The following EGLN1 variants were observed in gnomAD, a reference collection of about 807,000 sequenced individuals.
EGLN1 encodes the protein egl-9 family hypoxia inducible factor 1.
A neutral mutation model predicts 38.3 loss-of-function variants in EGLN1; 17 were observed. That is an observed-to-expected ratio of 0.44 (90% CI 0.30 to 0.67). The LOEUF (loss-of-function observed/expected upper bound fraction) is 0.67, where lower values mean the gene tolerates loss of function less well. Ranked by LOEUF, EGLN1 falls within the 30% of genes least tolerant of loss-of-function variation. The probability of loss-of-function intolerance (pLI) is 0.08; values close to 1 mark genes in which losing one functional copy is unlikely to be tolerated. For missense variants in EGLN1, 477 were observed against 603.3 expected (o/e 0.79, Z 2.19); for synonymous variants, 283 against 257.5 (o/e 1.10, Z -0.95).
intron 2 of EGLN1, among the ~76,000 whole-genome samples, chr1:231,372,891 T>C (rs975740060): frequency 6.6e-6 from 1 of 152,198 alleles, no homozygotes; most frequent in Admixed American, 6.5e-5. Context: ...AAGAGGTTTT[T>C]TAAAGGTTAT....
intron 1 of EGLN1, among the ~76,000 whole-genome samples, chr1:231,391,644 T>G (rs1452737412): frequency 1.3e-5 from 2 of 152,180 alleles, no homozygotes; most frequent in Non-Finnish European, 1.5e-5. Flanking sequence ...ATACGCATCT[T>G]AAAAATAAGA....
intron 1 of EGLN1, among the ~76,000 whole-genome samples, chr1:231,414,939 T>G (rs939558649): frequency 1.3e-5 from 2 of 151,984 alleles, no homozygotes; most frequent in Non-Finnish European, 2.9e-5. Context: ...TTCACCACGT[T>G]GCCCCCTGGT....
chr1:231,382,491 T>G (rs1323150262), intron 1 of EGLN1, among the ~76,000 whole-genome samples: 1 of 152,174 alleles, frequency 6.6e-6, no homozygotes, highest in African/African-American at 2.4e-5. Flanking sequence ...ATTAACATAG[T>G]GGATATTAGA....
In EGLN1 at chr1:231,403,094, G is replaced by T. The variant is rs560161518; in HGVS notation, c.891+17904C>A. On this transcript the variant is annotated intron_variant, in intron 1 of 4. Transcript: ENST00000366641. ...TGATTTCTAATTTAATTTCATAGTG[G>T]TTAGAGAATATACTCTGTATGATTT... Among the ~76,000 whole-genome samples, 11 of 152,154 alleles carry T rather than the reference G, an allele frequency of 7.2e-5. No individual in the cohort carries two copies. In the South Asian group the frequency reaches 2.3e-3, roughly 32 times the overall value.
At chr1:231,370,317 C>A (rs1687783498) in intron 3 of EGLN1, among the ~76,000 whole-genome samples, 1 of 152,330 alleles carries the variant, frequency 6.6e-6, no homozygotes, top group Non-Finnish European at 1.5e-5. Context: ...AAGGCCTGTG[C>A]TTCCCTTTCT....
intron 1 of EGLN1, 138 bp from the exon 2 acceptor site, chr1:231,374,237 A>G: frequency 1.3e-6 from 1 of 784,342 alleles, no homozygotes. Flanking sequence ...TGTAGATAAG[A>G]TAAGGCTATT....
intron 1 of EGLN1, among the ~76,000 whole-genome samples, chr1:231,401,630 A>G (rs866594067): frequency 3.3e-5 from 5 of 152,294 alleles, no homozygotes; most frequent in Middle Eastern, 3.4e-3. Flanking sequence ...TGTTTCTGAG[A>G]TTCATCTGAA....
chr1:231,413,912 G>C (rs1053946007), intron 1 of EGLN1, among the ~76,000 whole-genome samples: 1 of 152,142 alleles, frequency 6.6e-6, no homozygotes, highest in Non-Finnish European at 1.5e-5. Flanking sequence ...AACAGACACT[G>C]TCCAAGCTCT....
intron 1 of EGLN1, among the ~76,000 whole-genome samples, chr1:231,388,934 C>G (rs929948724): frequency 1.3e-5 from 2 of 152,168 alleles, no homozygotes; most frequent in East Asian, 3.9e-4. Context: ...GGATTACAGG[C>G]GTGAGCCACC....
chr1:231,421,731 T>C lies in EGLN1; in HGVS notation c.158A>G (p.Lys53Arg). The change falls in exon 1 of 5, where the codon AAG (lysine) becomes AGG (arginine). Residue 53 changes from lysine to arginine, a missense_variant. By Grantham distance (26) the Lys-to-Arg change is conservative. Coordinates refer to ENST00000366641, the MANE Select transcript of EGLN1 (RefSeq NM_022051.3). This position sits in a 1 kb window ranked among gnomAD's most constrained non-coding sequence, Gnocchi z 5.5. The stretch of plus-strand genomic sequence containing the variant: ...GCTGCCCTGGCACACGAGCTTGTGC[T>C]TCTTCCAGTCCTGACGCTGGTGCTC... ...CKEHQRQDWK[K>R]HKLVCQGSEG... 1 of 1,536,592 alleles carries C rather than the reference T, an allele frequency of 6.5e-7. No homozygotes were observed. The highest frequency in any genetic ancestry group is 8.7e-7 in the Non-Finnish European group (1 of 1,149,562).
At position 231,373,692 on chromosome 1, in the gene EGLN1, GTGTGTGTGTGTA is replaced by G. The variant is rs1231440878; in HGVS notation, c.1011+276_1011+287del. On this transcript the variant is annotated intron_variant, in intron 2 of 4. Coordinates refer to ENST00000366641, the MANE Select transcript of EGLN1 (RefSeq NM_022051.3). ...CTCGTGTGTGCGTGTGTGTGTGTGT[GTGTGTGTGTGTA>G]TGTGTGTGTGTTTAGAACACTGAAC... Among the ~76,000 whole-genome samples the G allele has an allele frequency of 5.6e-3, 777 of 139,260 alleles. 4 individuals carry two copies. The highest frequency in any genetic ancestry group is 0.019 in the Middle Eastern group (5 of 266). The allele number at this position is 139,260 out of a possible 152,430, so 91.4% of individuals were successfully genotyped here. A position where few individuals can be genotyped will look rare whatever the true frequency, so the allele number is the denominator to read the frequency against.
chr1:231,400,653 G>A (rs1688644404), intron 1 of EGLN1, among the ~76,000 whole-genome samples: 1 of 152,154 alleles, frequency 6.6e-6, no homozygotes, highest in South Asian at 2.1e-4. Context: ...TTGAGTGTGA[G>A]TTTGTACCTG....
chr1:231,390,908 C>T (rs578237756), intron 1 of EGLN1, among the ~76,000 whole-genome samples: 19 of 151,606 alleles, frequency 1.3e-4, no homozygotes, highest in African/African-American at 4.4e-4. Flanking sequence ...AGATCAGTGG[C>T]GTGATCATAG....
chr1:231,389,628 T>C (rs557282585), intron 1 of EGLN1, among the ~76,000 whole-genome samples: 14 of 152,144 alleles, frequency 9.2e-5, no homozygotes, highest in Admixed American at 7.2e-4. Context: ...GAGCATGAAG[T>C]AAAAGGAAGA....
chr1:231,415,941 G>A (rs1465227130), intron 1 of EGLN1, among the ~76,000 whole-genome samples: 2 of 151,578 alleles, frequency 1.3e-5, no homozygotes, highest in East Asian at 1.9e-4. Flanking sequence ...TCTGCCTGCC[G>A]GGTTCAAGCG....
intron 1 of EGLN1, among the ~76,000 whole-genome samples, chr1:231,374,665 G>T (rs951497090): frequency 6.6e-6 from 1 of 152,154 alleles, no homozygotes; most frequent in East Asian, 1.9e-4. Flanking sequence ...CTATAAGCAC[G>T]TGTCACCAGG....
intron 2 of EGLN1, among the ~76,000 whole-genome samples, chr1:231,370,961 C>T (rs912583493): frequency 6.6e-6 from 1 of 152,212 alleles, no homozygotes; most frequent in Admixed American, 6.5e-5. Context: ...ACAATCTCAG[C>T]TCACTGCAAC....
intron 1 of EGLN1, among the ~76,000 whole-genome samples, chr1:231,416,239 C>G (rs149776178): frequency 6.6e-5 from 10 of 151,728 alleles, no homozygotes. Context: ...CTCAAGCTAT[C>G]GTCCCACCTC....
intron 1 of EGLN1, among the ~76,000 whole-genome samples, chr1:231,419,265 C>T (rs1032220848): frequency 4.6e-5 from 7 of 152,184 alleles, no homozygotes; most frequent in African/African-American, 1.7e-4. Flanking sequence ...CTAATAGCAT[C>T]TCTATGAGAA....
Sources: gnomAD v4.1 joint callset for allele counts (sites outside exome capture counted in the v4.1 genomes callset) on GRCh38, gnomAD v4.1.1 for gene constraint, Gnocchi (gnomAD v3.1) non-coding constraint, MANE v1.5 for transcripts, NCBI Gene and HGNC (gene_info 2026-07-23, HGNC 2026-07-21) for gene names.